Variants in LIPA observed in about 807,000 individuals in gnomAD.
The protein encoded by LIPA is lysosomal acid lipase/cholesteryl ester hydrolase.
LIPA carries 26 observed loss-of-function variants against 40.6 expected under a neutral mutation model. The ratio of observed to expected loss-of-function variants is 0.64; its 90% CI spans 0.47 to 0.89. The LOEUF is 0.89. Among genes scored for constraint, LIPA ranks in the 40% least tolerant of loss-of-function variants. The pLI, the probability that LIPA is intolerant of heterozygous loss-of-function variation, is 0.00. For synonymous variants in LIPA, 188 were observed against 168.4 expected (o/e 1.12, Z -0.90); for missense variants, 455 against 479.6 (o/e 0.95, Z 0.48).
At chr10:89,412,332 C>T (rs1841475541) in intron 2 of LIPA, among the ~76,000 whole-genome samples, 1 of 152,060 alleles carries the variant, frequency 6.6e-6, no homozygotes, top group South Asian at 2.1e-4. Flanking sequence ...TTTGTAAACG[C>T]ACCAATCAGC....
chr10:89,288,794 C>A (rs1843355026), intron 1 of LIPA, among the ~76,000 whole-genome samples: 1 of 152,146 alleles, frequency 6.6e-6, no homozygotes, highest in South Asian at 2.1e-4. Flanking sequence ...TAACTCGGGC[C>A]CTCACTCTTG....
chr10:89,393,375 T>C, intron 2 of LIPA: 3 of 1,070,038 alleles, frequency 2.8e-6, no homozygotes, highest in Non-Finnish European at 3.7e-6. Flanking sequence ...CCACATCTGC[T>C]TGGGAAGATC....
intron 9 of LIPA, 43 bp downstream of exon 9, chr10:89,215,895 G>T (rs1231664233): frequency 7.8e-7 from 1 of 1,285,594 alleles, no homozygotes. Context: ...CTTTCTTGAT[G>T]AGTTTTCAGG....
At chr10:89,220,789 T>C (rs1003201449) in intron 8 of LIPA, among the ~76,000 whole-genome samples, 3 of 152,052 alleles carry the variant, frequency 2.0e-5, no homozygotes, top group Non-Finnish European at 4.4e-5. Flanking sequence ...AAGAAGGAGA[T>C]GAAAGTATCA....
At chr10:89,333,899 T>C (rs775788045) in intron 1 of LIPA, among the ~76,000 whole-genome samples, 6 of 152,216 alleles carry the variant, frequency 3.9e-5, no homozygotes, top group Admixed American at 3.3e-4. Context: ...TTTGTGTCCA[T>C]ATGTACATTA....
chr10:89,285,085 G>A (rs151125516), intron 1 of LIPA: 7,373 of 153,802 alleles, frequency 0.048, 179 homozygotes, highest in South Asian at 0.12. Flanking sequence ...CACAAAGCCT[G>A]TTTGGTGGTC....
intron 1 of LIPA, among the ~76,000 whole-genome samples, chr10:89,328,695 C>G (rs1057050314): frequency 3.9e-5 from 6 of 152,038 alleles, no homozygotes; most frequent in Non-Finnish European, 8.8e-5. Flanking sequence ...AAAAACAAAC[C>G]CAAAGCTTAG....
upstream of LIPA, among the ~76,000 whole-genome samples, chr10:89,345,980 T>TA (rs1389395223): frequency 2.0e-5 from 3 of 152,208 alleles, no homozygotes; most frequent in African/African-American, 7.2e-5. Context: ...AGATGTCACC[T>TA]AAAAACATAG....
intron 3 of LIPA, among the ~76,000 whole-genome samples, chr10:89,230,942 A>G (rs1842834197): frequency 6.6e-6 from 1 of 152,232 alleles, no homozygotes; most frequent in Admixed American, 6.5e-5. Context: ...CAGTGAACAA[A>G]TGAGAGCTTC....
intron 2 of LIPA, among the ~76,000 whole-genome samples, chr10:89,366,354 C>T (rs2133594939): frequency 6.6e-6 from 1 of 152,198 alleles, no homozygotes; most frequent in Middle Eastern, 3.4e-3. Flanking sequence ...TGGGCTGAGA[C>T]CATGGGGTTT....
intron 2 of LIPA, among the ~76,000 whole-genome samples, chr10:89,389,161 T>C (rs1564805688): frequency 6.6e-6 from 1 of 152,206 alleles, no homozygotes; most frequent in Non-Finnish European, 1.5e-5. Context: ...GATATTCCAA[T>C]TGTTAAATGT....
intron 1 of LIPA, among the ~76,000 whole-genome samples, chr10:89,336,083 C>G (rs12220500): frequency 7.0e-6 from 1 of 143,530 alleles, no homozygotes; most frequent in African/African-American, 2.6e-5. Context: ...TGAGACCACT[C>G]TGGGCAATAT....
chr10:89,343,297 T>C (rs183930036), upstream of LIPA, among the ~76,000 whole-genome samples: 2 of 152,358 alleles, frequency 1.3e-5, no homozygotes, highest in East Asian at 3.9e-4. Context: ...TATGATCTAA[T>C]GGTAATAGAC....
intron 2 of LIPA, among the ~76,000 whole-genome samples, chr10:89,390,004 G>A (rs1844234629): frequency 1.6e-5 from 2 of 124,032 alleles, no homozygotes; most frequent in Non-Finnish European, 1.7e-5. Flanking sequence ...TTTTTGAGAT[G>A]GAGTTTCACT....
intron 2 of LIPA, among the ~76,000 whole-genome samples, chr10:89,356,249 C>T (rs1843987927): frequency 6.6e-6 from 1 of 152,006 alleles, no homozygotes; most frequent in South Asian, 2.1e-4. Context: ...ATGGAGCTTC[C>T]ATGTTTTTGC....
intron 1 of LIPA, among the ~76,000 whole-genome samples, chr10:89,277,428 T>C (rs80227463): frequency 0.021 from 3,248 of 152,294 alleles, 116 homozygotes; most frequent in African/African-American, 0.074. Flanking sequence ...GGCACATCGG[T>C]AGGGATCAAT....
rs918703744 is a variant in LIPA, at chr10:89,226,905, G to A, written c.528C>T (p.Gly176=). The part of the protein sequence containing the change: ...EQVYYVGHSQ[G]TTIGFIAFSQ... ...TATTTACATACATACCTATAGTGGT[G>A]CCTTGAGAATGACCCACATAATACA... Residue 176 remains glycine, a synonymous_variant, in exon 5 of 10, where the codon GGC becomes GGT. Coordinates refer to ENST00000336233, the MANE Select transcript of LIPA (RefSeq NM_000235.4). 15 of 1,561,518 alleles carry A rather than the reference G, an allele frequency of 9.6e-6. No homozygotes were observed. Among genetic ancestry groups the A allele is most frequent in the South Asian group, 4.4e-5 (4 of 89,952 alleles).
At chr10:89,286,750 C>T (rs952453357) in intron 1 of LIPA, among the ~76,000 whole-genome samples, 13 of 152,300 alleles carry the variant, frequency 8.5e-5, no homozygotes, top group African/African-American at 1.2e-4. Flanking sequence ...AATTAAATTC[C>T]GGCCCTCAAA....
intron 1 of LIPA, among the ~76,000 whole-genome samples, chr10:89,330,421 G>A (rs1171233780): frequency 1.3e-5 from 2 of 152,220 alleles, no homozygotes; most frequent in Admixed American, 6.5e-5. Context: ...GCCAAAAGGT[G>A]AAAGATCTTA....
Sources: allele counts gnomAD v4.1 joint callset (sites outside exome capture counted in the v4.1 genomes callset), GRCh38; gene constraint gnomAD v4.1.1; transcripts MANE v1.5; gene names NCBI Gene and HGNC (gene_info 2026-07-23, HGNC 2026-07-21).